Variants in MBD5 observed in about 807,000 individuals in gnomAD.
MBD5 encodes the protein methyl-CpG binding domain protein 5, also known as methyl-CpG-binding domain protein 5.
Under a neutral mutation model 117.3 loss-of-function variants are expected in MBD5, and 13 were observed. The ratio of observed to expected loss-of-function variants is 0.11; its 90% CI spans 0.07 to 0.18. MBD5 has a LOEUF of 0.18. Among genes scored for constraint, MBD5 ranks in the 10% least tolerant of loss-of-function variants. MBD5 has a pLI of 1.00. For missense variants in MBD5, 1,879 were observed against 2,093.8 expected, an observed-to-expected ratio of 0.90 and a Z score of 2.00; for synonymous variants, 727 against 766.4, an observed-to-expected ratio of 0.95 and a Z score of 0.85.
At chr2:148,350,901 T>C (rs1314442015) in intron 4 of MBD5, among the ~76,000 whole-genome samples, 18 of 152,038 alleles carry the variant, frequency 1.2e-4, no homozygotes, top group Non-Finnish European at 2.6e-4. Flanking sequence ...GAGGCTGACT[T>C]TGTTCTTTCC....
At chr2:148,200,723 G>A (rs897413134) in intron 2 of MBD5, among the ~76,000 whole-genome samples, 4 of 150,970 alleles carry the variant, frequency 2.6e-5, no homozygotes, top group Non-Finnish European at 5.9e-5. Context: ...ATGTAATCTG[G>A]TTTCAACACA....
chr2:148,490,463 T>A lies in MBD5; in HGVS notation c.4831T>A (p.Tyr1611Asn), dbSNP rs745758671. Residue 1611 changes from tyrosine to asparagine, a missense_variant, in exon 11 of 14, where the codon TAT (tyrosine) becomes AAT (asparagine). By Grantham distance (143) the Tyr-to-Asn change is moderately radical (BLOSUM62 -2). This residue lies in a region of MBD5 where 135 missense variants were observed against 148.0 expected (regional missense o/e 0.91). Coordinates refer to ENST00000642680, the MANE Select transcript of MBD5 (RefSeq NM_001378120.1). Reference protein sequence around the residue: ...DSPSSNELIHYRPRTFNVGDL... With the variant: ...DSPSSNELIHNRPRTFNVGDL... ...CCCCTCTTCAAATGAATTGATACAT[T>A]ATAGACCAAGGACGTTCAATGTTGG... 5 of 1,614,132 alleles carry A rather than the reference T, an allele frequency of 3.1e-6. No individual in the cohort carries two copies. Among genetic ancestry groups the A allele is most frequent in the Non-Finnish European group, 4.2e-6 (5 of 1,180,024 alleles).
At chr2:148,316,682 A>C (rs1702164964) in intron 3 of MBD5, among the ~76,000 whole-genome samples, 1 of 152,308 alleles carries the variant, frequency 6.6e-6, no homozygotes, top group African/African-American at 2.4e-5. Flanking sequence ...TCCAATAAAT[A>C]CTTCTTACAA....
intron 4 of MBD5, among the ~76,000 whole-genome samples, chr2:148,345,389 A>G (rs534147195): frequency 2.2e-4 from 30 of 137,566 alleles, no homozygotes; most frequent in African/African-American, 7.3e-4. Flanking sequence ...ATACACATAT[A>G]CATATACATA....
intron 2 of MBD5, among the ~76,000 whole-genome samples, chr2:148,208,017 T>C (rs1326655195): frequency 3.9e-5 from 6 of 152,200 alleles, no homozygotes; most frequent in Admixed American, 3.9e-4. Context: ...TCAGTATCAC[T>C]GGACCCAAAT....
intron 1 of MBD5, among the ~76,000 whole-genome samples, chr2:148,147,183 T>A (rs1050646823): frequency 1.3e-5 from 2 of 151,906 alleles, no homozygotes; most frequent in African/African-American, 4.8e-5. Flanking sequence ...ACTTTCCTTT[T>A]TGCATATATC....
intron 7 of MBD5, among the ~76,000 whole-genome samples, chr2:148,466,707 C>A (rs1707271840): frequency 6.6e-6 from 1 of 152,098 alleles, no homozygotes; most frequent in Non-Finnish European, 1.5e-5. Flanking sequence ...TACTGCAATT[C>A]TCTCATATCA....
intron 2 of MBD5, among the ~76,000 whole-genome samples, chr2:148,216,741 T>G (rs533665654): frequency 1.3e-5 from 2 of 152,306 alleles, no homozygotes; most frequent in African/African-American, 4.8e-5. Context: ...GTGCTAGGTC[T>G]TCTGTCCCCA....
chr2:148,394,069 A>C (rs1704636440), intron 4 of MBD5, among the ~76,000 whole-genome samples: 1 of 152,220 alleles, frequency 6.6e-6, no homozygotes. Flanking sequence ...AAGATATACA[A>C]ATAGCAAATG....
In MBD5 at chr2:148,329,656, T is replaced by C. The variant is rs116094138; in HGVS notation, c.-679-12558T>C. 1.0e-2 allele frequency among the ~76,000 whole-genome samples: 1,517 copies of C among 152,252 alleles called. 24 individuals carry two copies. The highest frequency in any genetic ancestry group is 0.035 in the African/African-American group (1,454 of 41,548). On this transcript the variant is annotated intron_variant, in intron 3 of 13. Transcript: ENST00000642680. ...AGATTTGAGGGATACTAGCTTAACC[T>C]TTTATGTTTGATGTATAAGAAAGGC...
intron 3 of MBD5, among the ~76,000 whole-genome samples, chr2:148,255,007 C>T (rs1052830046): frequency 1.1e-4 from 16 of 152,250 alleles, no homozygotes; most frequent in African/African-American, 3.6e-4. Context: ...TCTGCAGATG[C>T]TGAATGCATG....
chr2:148,311,199 C>T (rs1480900590), intron 3 of MBD5, among the ~76,000 whole-genome samples: 3 of 152,196 alleles, frequency 2.0e-5, no homozygotes, highest in African/African-American at 4.8e-5. Flanking sequence ...CCTGAATATC[C>T]TTGTTAATTT....
At chr2:148,115,871 G>T (rs1035051474) in intron 1 of MBD5, among the ~76,000 whole-genome samples, 1 of 151,736 alleles carries the variant, frequency 6.6e-6, no homozygotes, top group African/African-American at 2.4e-5. Context: ...TTGAGACAGG[G>T]TCTTACTGTC....
chr2:148,078,282 C>T (rs760491963), intron 1 of MBD5, among the ~76,000 whole-genome samples: 1 of 152,126 alleles, frequency 6.6e-6, no homozygotes, highest in African/African-American at 2.4e-5. Context: ...TCAAAAATGA[C>T]AGCCCTGGCT....
intron 5 of MBD5, among the ~76,000 whole-genome samples, chr2:148,460,811 A>G (rs1308801807): frequency 6.6e-6 from 1 of 152,220 alleles, no homozygotes; most frequent in Non-Finnish European, 1.5e-5. Context: ...TTCAGGTTTA[A>G]TTTTACAATT....
Position 148,405,406 on chromosome 2 carries a change from C to T in MBD5, c.-556-52797C>T, listed in dbSNP as rs545336681. On this transcript the variant is annotated intron_variant, in intron 4 of 13. Transcript: ENST00000642680. Reference sequence around the variant, plus strand: ...GTAAGATACTTCTGAGTATTCCACCCTATGCCCCATGAATTATGAAGTGAT... The same window carrying T: ...GTAAGATACTTCTGAGTATTCCACCTTATGCCCCATGAATTATGAAGTGAT... Among the ~76,000 whole-genome samples, 26 of 152,324 alleles carry T rather than the reference C, an allele frequency of 1.7e-4. No homozygotes were observed. The South Asian group carries it at 3.7e-3, about 22-fold the overall frequency.
intron 11 of MBD5, among the ~76,000 whole-genome samples, chr2:148,493,551 G>A (rs956173325): frequency 1.3e-5 from 2 of 152,192 alleles, no homozygotes; most frequent in African/African-American, 4.8e-5. Context: ...TTTAGGTTGC[G>A]TGAATGGTCT....
At position 148,468,923 on chromosome 2, in the gene MBD5, T is replaced by C. The variant is rs776228346; in HGVS notation, c.980T>C (p.Met327Thr). 8.9e-5 allele frequency: 144 copies of C among 1,613,686 alleles called. No individual in the cohort carries two copies. Among genetic ancestry groups the C allele is most frequent in the Non-Finnish European group, 1.2e-4 (138 of 1,179,902 alleles). The stretch of plus-strand genomic sequence containing the variant: ...ACTAATATGGAAATACCACGAGCAA[T>C]GTTCCACCACAAACCACCCCAAGGC... ...FSTNMEIPRA[M>T]FHHKPPQGPP... The change falls in exon 8 of 14, where the codon ATG (methionine) becomes ACG (threonine). Residue 327 changes from methionine (M) to threonine (T), a missense_variant. Met to Thr is a moderately conservative substitution (Grantham distance 81). Transcript: ENST00000642680.
At chr2:148,369,257 C>T (rs151199271) in intron 4 of MBD5, among the ~76,000 whole-genome samples, 4 of 151,056 alleles carry the variant, frequency 2.6e-5, no homozygotes, top group African/African-American at 9.7e-5. Context: ...AGACACTTAA[C>T]AACTAAATGT....
Sources: allele counts gnomAD v4.1 joint callset (sites outside exome capture counted in the v4.1 genomes callset), GRCh38; gene constraint gnomAD v4.1.1; regional missense constraint gnomAD v4.1.1; transcripts MANE v1.5; gene names NCBI Gene and HGNC (gene_info 2026-07-23, HGNC 2026-07-21).